ZDHHC11B: variants seen among roughly 807,000 people sequenced by gnomAD.
ZDHHC11B encodes the protein zDHHC palmitoyltransferase 11B (putative).
In ZDHHC11B, 17 loss-of-function variants were observed where a neutral mutation model predicts 42.3. The observed-to-expected ratio is 0.40, with a 90% CI of 0.27 to 0.60. The LOEUF (loss-of-function observed/expected upper bound fraction) is 0.60. Among genes scored for constraint, ZDHHC11B ranks in the 20% least tolerant of loss-of-function variants. The pLI is 0.41. For synonymous variants in ZDHHC11B, 123 were observed against 193.5 expected, an observed-to-expected ratio of 0.64 and a Z score of 3.02; for missense variants, 262 against 463.2, an observed-to-expected ratio of 0.57 and a Z score of 3.99.
At chr5:750,623 C>T (rs1166692905) in intron 7 of ZDHHC11B, among the ~76,000 whole-genome samples, 530 of 127,950 alleles carry the variant, frequency 4.1e-3, no homozygotes, top group African/African-American at 0.012. Context: ...CTCACCGCCA[C>T]GTCTCTCCAG....
chr5:784,004 G>C (rs1737069500), intron 1 of ZDHHC11B, among the ~76,000 whole-genome samples: 2 of 151,316 alleles, frequency 1.3e-5, no homozygotes, highest in Non-Finnish European at 3.0e-5. Flanking sequence ...ATCCTCGGGC[G>C]CTGCTCCCAG....
chr5:751,566 GGGGT>G (rs1745754135), intron 6 of ZDHHC11B, among the ~76,000 whole-genome samples: 1 of 91,132 alleles, frequency 1.1e-5, no homozygotes, highest in African/African-American at 3.9e-5. Context: ...GGGCAGGTGG[GGGGT>G]GCAGAGGCAG....
At chr5:770,553 C>A (rs1373562683) in intron 1 of ZDHHC11B, among the ~76,000 whole-genome samples, 4 of 151,172 alleles carry the variant, frequency 2.6e-5, no homozygotes, top group Non-Finnish European at 4.4e-5. Flanking sequence ...TGGAGGACAC[C>A]TCGGGATCAC....
At chr5:775,920 C>A (rs1017770999) in intron 1 of ZDHHC11B, among the ~76,000 whole-genome samples, 1 of 145,944 alleles carries the variant, frequency 6.9e-6, no homozygotes, top group African/African-American at 2.6e-5. Flanking sequence ...CAGCTGGTGA[C>A]AGGAGCTGTC....
chr5:760,226 C>T (rs1734418591), intron 4 of ZDHHC11B, among the ~76,000 whole-genome samples: 1 of 151,890 alleles, frequency 6.6e-6, no homozygotes, highest in Non-Finnish European at 1.5e-5. Context: ...CGATCCCCCA[C>T]ATAGGTCCAA....
rs796580159 is a variant in ZDHHC11B at position 745,584 on chromosome 5, T to C, written c.785-286A>G. Among the ~76,000 whole-genome samples, 33 of 150,028 alleles carry C rather than the reference T, an allele frequency of 2.2e-4. 2 individuals carry two copies. The highest frequency in any genetic ancestry group is 7.3e-4 in the African/African-American group (30 of 40,902). On this transcript the variant is annotated intron_variant, in intron 8 of 13. Coordinates refer to ENST00000508859, the MANE Select transcript of ZDHHC11B (RefSeq NM_001351303.2). ...GCCAAGGCCTCATTGAGCTGCATTG[T>C]TAGTGGTGTCAGAGATGAGCTGTCT...
intron 13 of ZDHHC11B, among the ~76,000 whole-genome samples, chr5:713,504 G>C (rs2126940544): frequency 6.6e-6 from 1 of 152,134 alleles, no homozygotes; most frequent in East Asian, 1.9e-4. Flanking sequence ...ACATGTGGTG[G>C]GTTGTTTTTC....
chr5:750,601 G>C (rs1193444795), intron 7 of ZDHHC11B, among the ~76,000 whole-genome samples: 12 of 129,470 alleles, frequency 9.3e-5, no homozygotes, highest in African/African-American at 3.1e-4. Flanking sequence ...CTCGCCTCTG[G>C]AGCCCACAGT....
chr5:750,372 G>C (rs1318136), intron 7 of ZDHHC11B, among the ~76,000 whole-genome samples: 3,288 of 90,702 alleles, frequency 0.036, 398 homozygotes, highest in East Asian at 0.22. Context: ...CTGTGGCTCC[G>C]GGCGACCCCG....
chr5:741,878 T>C (rs1744196477), intron 9 of ZDHHC11B, among the ~76,000 whole-genome samples: 2 of 105,068 alleles, frequency 1.9e-5, no homozygotes, highest in Admixed American at 2.5e-4. Flanking sequence ...CAAACTGCTT[T>C]CCAATATGGT....
chr5:771,439 G>A (rs1326133302), intron 1 of ZDHHC11B, among the ~76,000 whole-genome samples: 1 of 151,432 alleles, frequency 6.6e-6, no homozygotes, highest in Non-Finnish European at 1.5e-5. Context: ...GGTGGGGGCT[G>A]GGCCGCATGG....
At chr5:741,300 T>C (rs1407640666) in intron 10 of ZDHHC11B, among the ~76,000 whole-genome samples, 1 of 148,754 alleles carries the variant, frequency 6.7e-6, no homozygotes, top group Non-Finnish European at 1.5e-5. Flanking sequence ...CACATGTTCA[T>C]GGAGAGATGT....
At chr5:779,400 CAA>C in intron 1 of ZDHHC11B, among the ~76,000 whole-genome samples, 1 of 149,982 alleles carries the variant, frequency 6.7e-6, no homozygotes, top group Admixed American at 6.6e-5. Flanking sequence ...TCATGGGGAA[CAA>C]AGTCTTTGAG....
chr5:716,681 A>T, intron 13 of ZDHHC11B, 120 bp downstream of exon 13: 9 of 1,300,184 alleles, frequency 6.9e-6, no homozygotes, highest in Non-Finnish European at 9.8e-6. Context: ...ATCAAGAGAC[A>T]AACGACAAGC....
At chr5:761,633 G>A (rs6865411) in intron 4 of ZDHHC11B, among the ~76,000 whole-genome samples, 127,376 of 151,568 alleles carry the variant, frequency 0.84, 53,894 homozygotes, top group East Asian at 0.97. Context: ...GGGTTGCCAC[G>A]TTCCAGCACC....
At chr5:765,423 A>C (rs1403508587) in intron 4 of ZDHHC11B, among the ~76,000 whole-genome samples, 2 of 151,956 alleles carry the variant, frequency 1.3e-5, no homozygotes, top group African/African-American at 2.4e-5. Context: ...GACTTGGAGA[A>C]CTTTTGTGTC....
intron 11 of ZDHHC11B, 139 bp from the exon 12 acceptor site, chr5:730,607 G>C (rs1377991485): frequency 1.0e-6 from 1 of 955,390 alleles, no homozygotes; most frequent in Non-Finnish European, 1.5e-6. Flanking sequence ...TCATGGAATA[G>C]GATCTCAGTG....
intron 12 of ZDHHC11B, among the ~76,000 whole-genome samples, chr5:720,219 C>T (rs1742082029): frequency 6.6e-6 from 1 of 151,820 alleles, no homozygotes; most frequent in South Asian, 2.1e-4. Flanking sequence ...CGCTAAGACA[C>T]ATTACAGTTA....
At chr5:722,075 A>G (rs569195286) in intron 12 of ZDHHC11B, among the ~76,000 whole-genome samples, 1 of 151,880 alleles carries the variant, frequency 6.6e-6, no homozygotes, top group African/African-American at 2.4e-5. Context: ...AACCAAACAT[A>G]AAGACTCGGC....
Sources: allele counts gnomAD v4.1 joint callset (sites outside exome capture counted in the v4.1 genomes callset), GRCh38; gene constraint gnomAD v4.1.1; transcripts MANE v1.5; gene names NCBI Gene and HGNC (gene_info 2026-07-23, HGNC 2026-07-21).